LDB2: variants seen among roughly 807,000 people sequenced by gnomAD.
LDB2 encodes the protein LIM domain-binding protein 2.
LDB2 carries 12 observed loss-of-function variants against 44.3 expected under a neutral mutation model. That is an observed-to-expected ratio of 0.27 (90% CI 0.17 to 0.44). LDB2 has a LOEUF of 0.44. Ranked by LOEUF, LDB2 falls within the 20% of genes least tolerant of loss-of-function variation. LDB2 has a pLI of 1.00. For missense variants in LDB2, 344 were observed against 473.5 expected (o/e 0.73, Z 2.54); for synonymous variants, 164 against 174.8 (o/e 0.94, Z 0.49).
At chr4:16,516,050 T>C (rs1193561482) in intron 5 of LDB2, among the ~76,000 whole-genome samples, 3 of 151,520 alleles carry the variant, frequency 2.0e-5, no homozygotes, top group Non-Finnish European at 2.9e-5. Flanking sequence ...TTTTTTTTAG[T>C]AGAGACGGGA....
chr4:16,818,810 G>A (rs1290115436), intron 1 of LDB2, among the ~76,000 whole-genome samples: 2 of 152,138 alleles, frequency 1.3e-5, no homozygotes, highest in Non-Finnish European at 2.9e-5. Context: ...GACCATTGAT[G>A]GGGATAAAGA....
At chr4:16,790,237 A>G (rs933876862) in intron 1 of LDB2, among the ~76,000 whole-genome samples, 1 of 152,240 alleles carries the variant, frequency 6.6e-6, no homozygotes. Context: ...TTTAGCCAGC[A>G]TGGCAAAACT....
At chr4:16,556,172 T>G (rs998111022) in intron 5 of LDB2, among the ~76,000 whole-genome samples, 1 of 152,252 alleles carries the variant, frequency 6.6e-6, no homozygotes, top group South Asian at 2.1e-4. Context: ...TTCTCTAAAT[T>G]TGAAATTATA....
intron 2 of LDB2, chr4:16,674,081 C>T (rs540457024): frequency 4.1e-5 from 17 of 417,366 alleles, no homozygotes; most frequent in Admixed American, 1.8e-4. Flanking sequence ...TATACGTTAA[C>T]GCAACTGAAG....
intron 1 of LDB2, among the ~76,000 whole-genome samples, chr4:16,849,662 T>C (rs1787799144): frequency 6.6e-6 from 1 of 152,216 alleles, no homozygotes; most frequent in Admixed American, 6.5e-5. Flanking sequence ...GGCATGACTG[T>C]TTCCTGTTTG....
At chr4:16,525,472 G>A (rs1024785594) in intron 5 of LDB2, among the ~76,000 whole-genome samples, 5 of 152,204 alleles carry the variant, frequency 3.3e-5, no homozygotes, top group Non-Finnish European at 7.3e-5. Flanking sequence ...CCCCTCCCAG[G>A]GATAGAAGGG....
intron 5 of LDB2, among the ~76,000 whole-genome samples, chr4:16,568,368 A>G (rs1436376941): frequency 6.6e-6 from 1 of 152,174 alleles, no homozygotes; most frequent in Non-Finnish European, 1.5e-5. Context: ...ATTACTGAAA[A>G]CTCATTGATT....
At chr4:16,676,649 C>A (rs565447835) in intron 2 of LDB2, among the ~76,000 whole-genome samples, 9 of 152,332 alleles carry the variant, frequency 5.9e-5, no homozygotes, top group Admixed American at 5.2e-4. Context: ...TCATCTCTAC[C>A]TTTGAGAAAA....
intron 6 of LDB2, 39 bp from the exon 7 acceptor site, chr4:16,508,725 C>A: frequency 6.3e-7 from 1 of 1,591,986 alleles, no homozygotes; most frequent in South Asian, 1.2e-5. Flanking sequence ...AGTTCTAGGG[C>A]AAAAGCAACA....
chr4:16,756,941 T>G (rs899026703), intron 2 of LDB2, among the ~76,000 whole-genome samples: 1 of 151,016 alleles, frequency 6.6e-6, no homozygotes, highest in South Asian at 2.1e-4. Context: ...TTATTTCATA[T>G]GTGTGTGATT....
chr4:16,843,239 A>G (rs1786251353), intron 1 of LDB2, among the ~76,000 whole-genome samples: 1 of 152,190 alleles, frequency 6.6e-6, no homozygotes, highest in Admixed American at 6.5e-5. Context: ...TTTCAATTTT[A>G]GTGTTAAAAA....
intron 1 of LDB2, among the ~76,000 whole-genome samples, chr4:16,781,375 T>C: frequency 6.6e-6 from 1 of 152,152 alleles, no homozygotes; most frequent in East Asian, 1.9e-4. Context: ...GCATATGCTT[T>C]GGTGGGACAC....
chr4:16,770,567 A>C (rs925515223), intron 1 of LDB2, among the ~76,000 whole-genome samples: 1 of 152,160 alleles, frequency 6.6e-6, no homozygotes, highest in African/African-American at 2.4e-5. Flanking sequence ...CTGAGGCCCC[A>C]AGCGGTTAAG....
intron 1 of LDB2, among the ~76,000 whole-genome samples, chr4:16,813,365 G>T (rs1199669540): frequency 2.0e-5 from 3 of 152,082 alleles, no homozygotes; most frequent in Non-Finnish European, 2.9e-5. Flanking sequence ...AAGTGAGTAG[G>T]ACATAGAAGA....
intron 1 of LDB2, among the ~76,000 whole-genome samples, chr4:16,851,969 T>C (rs1788354283): frequency 6.6e-6 from 1 of 152,224 alleles, no homozygotes; most frequent in African/African-American, 2.4e-5. Flanking sequence ...TTCTGCCTAC[T>C]CTGTTAGTAT....
chr4:16,585,530 G>A (rs1560549747), intron 5 of LDB2, among the ~76,000 whole-genome samples: 1 of 152,132 alleles, frequency 6.6e-6, no homozygotes, highest in East Asian at 1.9e-4. Context: ...ACTCTATGGG[G>A]CAGTATATTG....
intron 5 of LDB2, among the ~76,000 whole-genome samples, chr4:16,550,526 T>C (rs1055948838): frequency 1.1e-4 from 17 of 152,188 alleles, no homozygotes; most frequent in Admixed American, 9.2e-4. Context: ...CCTTATTACA[T>C]TGGTACGTTA....
Position 16,752,389 on chromosome 4 carries a change from CTTGT to C in LDB2, c.235+6765_235+6768del, listed in dbSNP as rs995722441. 75 of 451,786 alleles carry C rather than the reference CTTGT, an allele frequency of 1.7e-4. 1 individual carries two copies. Among genetic ancestry groups the C allele is most frequent in the African/African-American group, 1.1e-3 (53 of 49,916 alleles). The allele number at this position is 451,786 out of a possible 1,614,324, so 28.0% of individuals were successfully genotyped here. On this transcript the variant is annotated intron_variant, in intron 2 of 7. Coordinates refer to ENST00000304523, the MANE Select transcript of LDB2 (RefSeq NM_001290.5). ...ATGTGGTAATTGTAATTGTTTGGAA[CTTGT>C]TTGTTTAACTCACCATTTTCCATTA...
intron 1 of LDB2, among the ~76,000 whole-genome samples, chr4:16,801,575 C>A (rs936998711): frequency 3.3e-5 from 5 of 152,134 alleles, no homozygotes; most frequent in African/African-American, 4.8e-5. Flanking sequence ...CCATCTCCCC[C>A]AAGTACTGAT....
Sources: allele counts gnomAD v4.1 joint callset (sites outside exome capture counted in the v4.1 genomes callset), GRCh38; gene constraint gnomAD v4.1.1; transcripts MANE v1.5; gene names NCBI Gene and HGNC (gene_info 2026-07-23, HGNC 2026-07-21).